Variants in MROH2B observed in about 807,000 individuals in gnomAD.
MROH2B encodes the protein maestro heat like repeat family member 2B.
MROH2B carries 177 observed loss-of-function variants against 208.6 expected under a neutral mutation model. The ratio of observed to expected loss-of-function variants is 0.85; its 90% CI spans 0.75 to 0.96. The LOEUF (loss-of-function observed/expected upper bound fraction) is 0.96, where lower values mean the gene tolerates loss of function less well. Among genes scored for constraint, MROH2B ranks in the 40% least tolerant of loss-of-function variants. The probability of loss-of-function intolerance (pLI) is 0.00; values close to 1 mark genes in which losing one functional copy is unlikely to be tolerated. For synonymous variants in MROH2B, 728 were observed against 659.0 expected, an observed-to-expected ratio of 1.10 and a Z score of -1.60; for missense variants, 2,002 against 1,878.7, an observed-to-expected ratio of 1.07 and a Z score of -1.21.
intron 24 of MROH2B, among the ~76,000 whole-genome samples, chr5:41,029,842 A>T (rs1742505389): frequency 6.6e-6 from 1 of 152,104 alleles, no homozygotes; most frequent in Non-Finnish European, 1.5e-5. Flanking sequence ...GGTGAAAAAA[A>T]CTACTTATTG....
intron 5 of MROH2B, 90 bp downstream of exon 5, chr5:41,064,382 G>T: frequency 1.9e-6 from 2 of 1,025,674 alleles, no homozygotes; most frequent in South Asian, 1.5e-5. Flanking sequence ...GACAAGATTG[G>T]AGTTAAAGGG....
chr5:41,027,145 A>G (rs1460522681), intron 24 of MROH2B, among the ~76,000 whole-genome samples: 10 of 152,232 alleles, frequency 6.6e-5, no homozygotes, highest in Admixed American at 3.9e-4. Context: ...CTTCATGTCT[A>G]AAACACCAAA....
In MROH2B at chr5:41,070,933, G is replaced by T; in HGVS notation, c.-81C>A. ...GGCTAAAAAATCAAAGAGGCAGGTT[G>T]GCAAGTTTCTCATATAAGGTTCACA... On this transcript the variant is annotated 5_prime_UTR_variant, in exon 1 of 42. Transcript: ENST00000399564. 6.9e-7 allele frequency: 1 copy of T among 1,446,998 alleles called. No individual in the cohort carries two copies. Among genetic ancestry groups the T allele is most frequent in the Non-Finnish European group, 9.5e-7 (1 of 1,047,380 alleles). 89.6% of individuals were successfully genotyped at this position (1,446,998 alleles called of 1,614,324 possible). A position where few individuals can be genotyped will look rare whatever the true frequency, so the allele number is the denominator to read the frequency against.
intron 21 of MROH2B, among the ~76,000 whole-genome samples, chr5:41,035,350 C>T (rs1453852059): frequency 1.3e-5 from 2 of 152,054 alleles, no homozygotes; most frequent in Non-Finnish European, 2.9e-5. Context: ...ACTCCCTACT[C>T]AATAAATAAT....
chr5:40,999,948 G>T, intron 39 of MROH2B, 169 bp from the exon 40 acceptor site: 1 of 691,814 alleles, frequency 1.4e-6, no homozygotes. Flanking sequence ...CATTTAATCA[G>T]GAAGCCATCA....
At chr5:41,057,633 T>G (rs1209633348) in intron 7 of MROH2B, among the ~76,000 whole-genome samples, 1 of 139,666 alleles carries the variant, frequency 7.2e-6, no homozygotes, top group Non-Finnish European at 1.5e-5. Context: ...CTCGGTTCAC[T>G]GTAACCTCCG....
Position 41,004,811 on chromosome 5 carries a change from C to G in MROH2B, c.3974G>C (p.Arg1325Pro). ...SNATLRQMAIRGLGNTASGAP... is the reference protein window; with the variant it reads ...SNATLRQMAIPGLGNTASGAP... ...CCCGGATGCTGTGTTGCCGAGCCCTCGGATGGCCATCTGCCTCAGAGTGGC... is the reference window on the plus strand; with the variant it reads ...CCCGGATGCTGTGTTGCCGAGCCCTGGGATGGCCATCTGCCTCAGAGTGGC... Residue 1325 changes from arginine (R) to proline (P), a missense_variant, in exon 36 of 42, where the codon CGA (arginine) becomes CCA (proline). Coordinates refer to ENST00000399564, the MANE Select transcript of MROH2B (RefSeq NM_173489.5). The G allele has an allele frequency of 1.9e-6, 3 of 1,613,984 alleles. No homozygotes were observed. The highest frequency in any genetic ancestry group is 2.5e-6 in the Non-Finnish European group (3 of 1,179,878).
chr5:41,032,540 T>C (rs186922904), intron 24 of MROH2B, among the ~76,000 whole-genome samples: 1 of 152,184 alleles, frequency 6.6e-6, no homozygotes, highest in Admixed American at 6.5e-5. Context: ...CTTCAGTCTC[T>C]GTCAGTCATC....
Position 41,048,372 on chromosome 5 carries a change from C to T in MROH2B, c.1636G>A (p.Val546Ile), listed in dbSNP as rs756584525. ...GGTAAACGTGTTTTCCATAGGTCTACCAATTTTGGGTGAATTATCTCAGGC... is the reference window on the plus strand; with the variant it reads ...GGTAAACGTGTTTTCCATAGGTCTATCAATTTTGGGTGAATTATCTCAGGC... ...ILPEIIHPKL[V>I]DLWKTRLPEL... Residue 546 changes from valine (V) to isoleucine (I), a missense_variant, in exon 16 of 42, where the codon GTA (valine) becomes ATA (isoleucine). Coordinates refer to ENST00000399564, the MANE Select transcript of MROH2B (RefSeq NM_173489.5). 1.2e-6 allele frequency: 2 copies of T among 1,613,536 alleles called. No homozygotes were observed. The highest frequency in any genetic ancestry group is 1.7e-5 in the Admixed American group (1 of 59,960).
At chr5:41,005,109 G>C (rs1741533930) in intron 35 of MROH2B, 189 bp from the exon 36 acceptor site, 1 of 690,642 alleles carries the variant, frequency 1.4e-6, no homozygotes, top group African/African-American at 1.8e-5. Context: ...CACAGGTCAA[G>C]CTTGCATGGT....
Position 41,009,204 on chromosome 5 carries a change from C to T in MROH2B, c.3420+76G>A, listed in dbSNP as rs547574808. 3.8e-6 allele frequency: 6 copies of T among 1,570,492 alleles called. No individual in the cohort carries two copies. In the Admixed American group the frequency reaches 8.8e-5, roughly 23 times the overall value. On this transcript the variant is annotated intron_variant, in intron 32 of 41. Transcript: ENST00000399564. The stretch of plus-strand genomic sequence containing the variant: ...AGGAGGTGTCATTAATGTGACAGCA[C>T]CAAGCTCCAGGTGGGGATAGATCAT...
intron 17 of MROH2B, 100 bp downstream of exon 17, chr5:41,047,617 GTTGT>G (rs2150174623): frequency 9.8e-7 from 1 of 1,017,680 alleles, no homozygotes; most frequent in African/African-American, 1.6e-5. Flanking sequence ...AAAGGAAAAG[GTTGT>G]TTATTATCCT....
rs1743837068 is a variant in MROH2B at position 41,067,133 on chromosome 5, G to A, written c.176C>T (p.Ala59Val). 2 of 1,552,986 alleles carry A rather than the reference G, an allele frequency of 1.3e-6. No homozygotes were observed. The highest frequency in any genetic ancestry group is 2.4e-5 in the South Asian group (2 of 84,334). ...DAIVQRLIYY[A>V]SKDMRDNNML... is the part of the protein sequence containing the mutation. ...ATTGTTGTCTCTCATATCCTTAGAAGCATAATAAATCAATCGTTGGACAAT... is the reference window on the plus strand; with the variant it reads ...ATTGTTGTCTCTCATATCCTTAGAAACATAATAAATCAATCGTTGGACAAT... Residue 59 changes from alanine (A) to valine (V), a missense_variant, in exon 3 of 42, where the codon GCT becomes GTT. Ala to Val is a moderately conservative substitution (Grantham distance 64). Transcript: ENST00000399564.
intron 24 of MROH2B, among the ~76,000 whole-genome samples, chr5:41,028,968 C>A (rs1290320167): frequency 3.9e-5 from 6 of 151,988 alleles, no homozygotes; most frequent in Admixed American, 6.6e-5. Context: ...GTGGTAATTT[C>A]ATTTCCTTTG....
intron 15 of MROH2B, among the ~76,000 whole-genome samples, chr5:41,048,746 A>C (rs1408354839): frequency 1.3e-5 from 2 of 152,256 alleles, no homozygotes; most frequent in Non-Finnish European, 2.9e-5. Flanking sequence ...CAATTAATTA[A>C]ATAAAGGCAT....
At chr5:40,998,466 A>G in intron 41 of MROH2B, 146 bp downstream of exon 41, 1 of 676,012 alleles carries the variant, frequency 1.5e-6, no homozygotes, top group South Asian at 2.0e-5. Context: ...TACCCTGGAG[A>G]AATTCTAGTG....
At chr5:40,999,883 C>T in intron 39 of MROH2B, 104 bp from the exon 40 acceptor site, 2 of 942,380 alleles carry the variant, frequency 2.1e-6, no homozygotes, top group Non-Finnish European at 3.2e-6. Flanking sequence ...CCAGTGAGCA[C>T]TCACACAGCC....
In MROH2B at chr5:41,061,581, A is replaced by T. The variant is rs1743639998; in HGVS notation, c.604T>A (p.Ser202Thr). 1 of 1,611,636 alleles carries T rather than the reference A, an allele frequency of 6.2e-7. No individual in the cohort carries two copies. The highest frequency in any genetic ancestry group is 8.5e-7 in the Non-Finnish European group (1 of 1,178,708). Residue 202 changes from serine to threonine, a missense_variant, in exon 6 of 42, where the codon TCA becomes ACA. Ser to Thr is a moderately conservative substitution (Grantham distance 58, BLOSUM62 1). Coordinates refer to ENST00000399564, the MANE Select transcript of MROH2B (RefSeq NM_173489.5). ...YIMEKWAPLA[S>T]PMQTLSIVKA... ...TGAGGCCCACTCACCTGCATGGGTG[A>T]GGCCAAAGGGGCCCACTTCTCCATT... is the stretch of plus-strand genomic sequence containing the variant.
intron 1 of MROH2B, among the ~76,000 whole-genome samples, chr5:41,070,162 T>A (rs1743943175): frequency 6.6e-6 from 1 of 152,112 alleles, no homozygotes; most frequent in African/African-American, 2.4e-5. Flanking sequence ...CTCCCCTCAA[T>A]ACCTCTCCCA....
Sources: allele counts gnomAD v4.1 joint callset (sites outside exome capture counted in the v4.1 genomes callset), GRCh38; gene constraint gnomAD v4.1.1; transcripts MANE v1.5; gene names NCBI Gene and HGNC (gene_info 2026-07-23, HGNC 2026-07-21).